Variants in NDUFA5 observed in about 807,000 individuals in gnomAD.
NDUFA5 encodes NADH dehydrogenase [ubiquinone] 1 alpha subcomplex subunit 5.
NDUFA5 carries 11 observed loss-of-function variants against 19.8 expected under a neutral mutation model. The ratio of observed to expected loss-of-function variants is 0.56; its 90% CI spans 0.35 to 0.92. The LOEUF is 0.92. NDUFA5 is among the 40% of genes least tolerant of loss of function. NDUFA5 has a pLI of 0.01. For missense variants in NDUFA5, 109 were observed against 134.2 expected (o/e 0.81, Z 0.93); for synonymous variants, 47 against 46.8 (o/e 1.00, Z -0.01).
the NDUFA5 span, among the ~76,000 whole-genome samples, chr7:123,577,018 T>C: frequency 1.5e-3 from 233 of 152,306 alleles, no homozygotes; most frequent in African/African-American, 5.4e-3. Context: ...CTGTTATCTA[T>C]TTTAATATGG....
intron 3 of NDUFA5, chr7:123,545,959 T>C (rs1584689863): frequency 3.7e-6 from 1 of 268,930 alleles, no homozygotes; most frequent in African/African-American, 2.3e-5. Flanking sequence ...AATATGACTT[T>C]GCTTTCTTAA....
chr7:123,561,470 T>C (rs559890508), upstream of NDUFA5, among the ~76,000 whole-genome samples: 1 of 152,340 alleles, frequency 6.6e-6, no homozygotes, highest in Admixed American at 6.5e-5. Context: ...TAATTCTGGT[T>C]CTCTTGCTGT....
At position 123,538,746 on chromosome 7, in the gene NDUFA5, A is replaced by G. The variant is rs1331665788; in HGVS notation, c.*3373T>C. The G allele has an allele frequency of 6.6e-6, 1 of 152,140 alleles. No homozygotes were observed. Among genetic ancestry groups the G allele is most frequent in the African/African-American group, 2.4e-5 (1 of 41,422 alleles). The allele number at this position is 152,140 out of a possible 1,614,324, so 9.4% of individuals were successfully genotyped here. ...ACTCAGCAAATCCAAAATACTAGTG[A>G]TATGTTCAGCAATTTGGTACTTAAT... On this transcript the variant is annotated 3_prime_UTR_variant, in exon 5 of 5. Transcript: ENST00000355749.
intron 3 of NDUFA5, among the ~76,000 whole-genome samples, chr7:123,549,171 T>C (rs915895937): frequency 6.6e-6 from 1 of 152,140 alleles, no homozygotes; most frequent in Non-Finnish European, 1.5e-5. Flanking sequence ...AAGGGACAAC[T>C]GTACCATCAC....
At chr7:123,600,825 T>G in the NDUFA5 span, among the ~76,000 whole-genome samples, 1 of 152,200 alleles carries the variant, frequency 6.6e-6, no homozygotes, top group Non-Finnish European at 1.5e-5. Flanking sequence ...CGTATTTATA[T>G]TCATTAACAC....
upstream of NDUFA5, chr7:123,557,879 G>A: frequency 6.2e-7 from 1 of 1,610,672 alleles, no homozygotes; most frequent in Non-Finnish European, 8.5e-7. Flanking sequence ...TCGCCACTCT[G>A]TCACCCTGGA....
chr7:123,577,641 G>T, the NDUFA5 span, among the ~76,000 whole-genome samples: 62 of 152,054 alleles, frequency 4.1e-4, no homozygotes, highest in Non-Finnish European at 7.6e-4. Context: ...GATCAAAAAT[G>T]GTAATAAACA....
At chr7:123,553,507 T>C (rs1415712835) in intron 2 of NDUFA5, among the ~76,000 whole-genome samples, 1 of 152,134 alleles carries the variant, frequency 6.6e-6, no homozygotes, top group Non-Finnish European at 1.5e-5. Flanking sequence ...AAGATGAGAT[T>C]TGGATGGGGA....
the NDUFA5 span, among the ~76,000 whole-genome samples, chr7:123,594,521 C>T: frequency 1.3e-5 from 2 of 152,208 alleles, no homozygotes; most frequent in South Asian, 4.1e-4. Flanking sequence ...GTTAGTTTTC[C>T]TTCTAACAGA....
chr7:123,548,867 T>C (rs1432123985), intron 3 of NDUFA5, among the ~76,000 whole-genome samples: 1 of 152,058 alleles, frequency 6.6e-6, no homozygotes, highest in East Asian at 1.9e-4. Context: ...ACAGCACAGT[T>C]GGCCCTCAGG....
At chr7:123,556,616 A>AC (rs1798555129) in intron 2 of NDUFA5, 1 of 254,748 alleles carries the variant, frequency 3.9e-6, no homozygotes, top group African/African-American at 2.3e-5. Flanking sequence ...TCAAAAAAAA[A>AC]AAAACGCTGC....
At chr7:123,546,919 T>A in intron 3 of NDUFA5, 1 of 385,472 alleles carries the variant, frequency 2.6e-6, no homozygotes, top group Non-Finnish European at 5.1e-6. Flanking sequence ...TTAAGGATGC[T>A]GACATGGGGA....
chr7:123,554,485 T>A (rs1434341643), intron 2 of NDUFA5, among the ~76,000 whole-genome samples: 2 of 136,570 alleles, frequency 1.5e-5, no homozygotes, highest in African/African-American at 5.4e-5. Flanking sequence ...ATTCCAGAAA[T>A]AAACAATTTA....
the NDUFA5 span, among the ~76,000 whole-genome samples, chr7:123,578,432 A>T: frequency 6.6e-6 from 1 of 151,788 alleles, no homozygotes; most frequent in Non-Finnish European, 1.5e-5. Flanking sequence ...GACTGTGAAC[A>T]TACCCCTCTT....
the NDUFA5 span, among the ~76,000 whole-genome samples, chr7:123,594,173 AT>A: frequency 6.6e-6 from 1 of 152,092 alleles, no homozygotes; most frequent in African/African-American, 2.4e-5. Flanking sequence ...CTAGTTTGCC[AT>A]TCCTCTAACC....
rs1211794968 is a variant in NDUFA5 at position 123,537,981 on chromosome 7, A to G, written c.*4138T>C. Reference sequence around the variant, plus strand: ...TAAATTACATTTAAGTGTACCACAAAAAATTAGCTGCTAATGTAAACCTAA... The same window carrying G: ...TAAATTACATTTAAGTGTACCACAAGAAATTAGCTGCTAATGTAAACCTAA... On this transcript the variant is annotated 3_prime_UTR_variant, in exon 5 of 5. Coordinates refer to ENST00000355749, the MANE Select transcript of NDUFA5 (RefSeq NM_005000.5). 1 of 152,226 alleles carries G rather than the reference A, an allele frequency of 6.6e-6. No homozygotes were observed. The highest frequency in any genetic ancestry group is 1.5e-5 in the Non-Finnish European group (1 of 68,042). 9.4% of individuals were successfully genotyped at this position (152,226 alleles called of 1,614,324 possible). A position where few individuals can be genotyped will look rare whatever the true frequency, so the allele number is the denominator to read the frequency against.
upstream of NDUFA5, among the ~76,000 whole-genome samples, chr7:123,561,132 TC>T (rs1381449330): frequency 6.6e-6 from 1 of 152,312 alleles, no homozygotes; most frequent in East Asian, 1.9e-4. Flanking sequence ...TCATCACAAT[TC>T]CTATCAAAAT....
chr7:123,569,637 G>A, the NDUFA5 span, among the ~76,000 whole-genome samples: 1 of 152,148 alleles, frequency 6.6e-6, no homozygotes, highest in Non-Finnish European at 1.5e-5. Flanking sequence ...AAGAAAGGTG[G>A]ACAAGGTTAT....
At chr7:123,569,980 G>C in the NDUFA5 span, among the ~76,000 whole-genome samples, 1 of 151,114 alleles carries the variant, frequency 6.6e-6, no homozygotes. Flanking sequence ...ACTATGATGG[G>C]ATATAAGTCA....
Sources: gnomAD v4.1 joint callset for allele counts (sites outside exome capture counted in the v4.1 genomes callset) on GRCh38, gnomAD v4.1.1 for gene constraint, MANE v1.5 for transcripts, NCBI Gene and HGNC (gene_info 2026-07-23, HGNC 2026-07-21) for gene names.